LTBP3: variants seen among roughly 807,000 people sequenced by gnomAD.
LTBP3 encodes the protein latent transforming growth factor beta binding protein 3.
A neutral mutation model predicts 159.7 loss-of-function variants in LTBP3; 97 were observed. The ratio of observed to expected loss-of-function variants is 0.61; its 90% CI spans 0.52 to 0.72. LTBP3 has a LOEUF of 0.72. LTBP3 is among the 30% of genes least tolerant of loss of function. The probability of loss-of-function intolerance (pLI) is 0.00; values close to 1 mark genes in which losing one functional copy is unlikely to be tolerated. For synonymous variants in LTBP3, 824 were observed against 777.1 expected (o/e 1.06, Z -1.00); for missense variants, 1,584 against 1,864.3 (o/e 0.85, Z 2.77).
intron 11 of LTBP3, 120 bp downstream of exon 11, chr11:65,551,006 C>A: frequency 1.2e-6 from 1 of 855,112 alleles, no homozygotes; most frequent in Admixed American, 2.0e-5. Context: ...TCCCCAGTGC[C>A]CAGCCCTGGA....
At position 65,553,473 on chromosome 11, in the gene LTBP3, C is replaced by A. The variant is rs747359614; in HGVS notation, c.922G>T (p.Gly308Cys). ...TKQEDCCGSI[G>C]TAWGQSKCHK... Reference sequence around the variant, plus strand: ...CACTTGCTCTGGCCCCAGGCAGTGCCGATGCTACCGCAGCAGTCTTCCTGC... The same window carrying A: ...CACTTGCTCTGGCCCCAGGCAGTGCAGATGCTACCGCAGCAGTCTTCCTGC... Residue 308 changes from glycine (G) to cysteine (C), a missense_variant, in exon 4 of 28, where the codon GGC (glycine) becomes TGC (cysteine). This residue lies in a region of LTBP3 where 156 missense variants were observed against 259.7 expected (regional missense o/e 0.60). Coordinates refer to ENST00000301873, the MANE Select transcript of LTBP3 (RefSeq NM_001130144.3). This position sits in a 1 kb window ranked among gnomAD's most constrained non-coding sequence, Gnocchi z 6.5. The A allele has an allele frequency of 6.2e-7, 1 of 1,612,014 alleles. No homozygotes were observed.
Position 65,552,744 on chromosome 11 carries a change from T to C in LTBP3, c.1186+116A>G. The C allele has an allele frequency of 1.4e-6, 2 of 1,461,738 alleles. No individual in the cohort carries two copies. The highest frequency in any genetic ancestry group is 1.7e-5 in the Admixed American group (1 of 58,394). 90.5% of individuals were successfully genotyped at this position (1,461,738 alleles called of 1,614,324 possible). A position where few individuals can be genotyped will look rare whatever the true frequency, so the allele number is the denominator to read the frequency against. ...TGCTGATCCCTGATCCTATTGGCTCTGGGCCTTGTTCCTCCTGCAGTCAAC... is the reference window on the plus strand; with the variant it reads ...TGCTGATCCCTGATCCTATTGGCTCCGGGCCTTGTTCCTCCTGCAGTCAAC... On this transcript the variant is annotated intron_variant, in intron 6 of 27. Transcript: ENST00000301873. This position sits in a 1 kb window ranked among gnomAD's most constrained non-coding sequence, Gnocchi z 6.0.
Position 65,552,347 on chromosome 11 carries a change from G to T in LTBP3, c.1246C>A (p.Gln416Lys). The T allele has an allele frequency of 6.2e-7, 1 of 1,614,036 alleles. No homozygotes were observed. The highest frequency in any genetic ancestry group is 1.1e-5 in the South Asian group (1 of 91,088). ...FRLVSPEHQC[Q>K]HPLTTRLTRQ... ...GTCAGGCGGGTGGTCAGTGGGTGCT[G>T]GCACTGGTGCTCAGGGCTCACCAGG... The change falls in exon 7 of 28, where the codon CAG becomes AAG. Residue 416 changes from glutamine (Q) to lysine (K), a missense_variant. By Grantham distance (53) the Gln-to-Lys change is moderately conservative (BLOSUM62 1). Around this residue, in one of 6 missense-constraint regions of LTBP3, gnomAD observed 156 missense variants for 259.7 expected, o/e 0.60. Coordinates refer to ENST00000301873, the MANE Select transcript of LTBP3 (RefSeq NM_001130144.3). The surrounding 1 kb of genome is among the most constrained non-coding windows in gnomAD (Gnocchi z 6.0).
chr11:65,556,484 C>T (rs930481127), intron 1 of LTBP3, among the ~76,000 whole-genome samples: 1 of 152,122 alleles, frequency 6.6e-6, no homozygotes, highest in East Asian at 1.9e-4. Context: ...GCTGAGATTG[C>T]GCCATTGCAC....
chr11:65,557,615 C>A lies in LTBP3; in HGVS notation c.331+14G>T, dbSNP rs1243232990. On this transcript the variant is annotated intron_variant, in intron 1 of 27. Coordinates refer to ENST00000301873, the MANE Select transcript of LTBP3 (RefSeq NM_001130144.3). ...TGTCCTTCCCCTGCCCCCAGCCGTG[C>A]CCCCGGCCCTCACCCACGCGGAAGC... The A allele has an allele frequency of 1.9e-6, 3 of 1,606,502 alleles. No homozygotes were observed. Among genetic ancestry groups the A allele is most frequent in the Non-Finnish European group, 2.5e-6 (3 of 1,179,200 alleles).
In LTBP3 at chr11:65,558,300, G is replaced by T; in HGVS notation, c.-341C>A. 1 of 775,362 alleles carries T rather than the reference G, an allele frequency of 1.3e-6. No homozygotes were observed. The highest frequency in any genetic ancestry group is 1.6e-6 in the Non-Finnish European group (1 of 622,142). 48.0% of individuals were successfully genotyped at this position (775,362 alleles called of 1,614,324 possible). Reference sequence around the variant, plus strand: ...CCCGCTCCGCGCCTCCCCCTGGCCGGGCTCCTCTCCCGCGGCCGCGGGGAG... The same window carrying T: ...CCCGCTCCGCGCCTCCCCCTGGCCGTGCTCCTCTCCCGCGGCCGCGGGGAG... On this transcript the variant is annotated 5_prime_UTR_variant, in exon 1 of 28. Transcript: ENST00000301873.
In LTBP3 at chr11:65,538,634, G is replaced by T; in HGVS notation, c.*446C>A. On this transcript the variant is annotated 3_prime_UTR_variant, in exon 28 of 28. Coordinates refer to ENST00000301873, the MANE Select transcript of LTBP3 (RefSeq NM_001130144.3). ...CAGATGTATTTATTGTACAAACCAT[G>T]TGAGCCCGGCCGGCCCAGCCAGGCC... 1 of 1,531,022 alleles carries T rather than the reference G, an allele frequency of 6.5e-7. No individual in the cohort carries two copies. 94.8% of individuals were successfully genotyped at this position (1,531,022 alleles called of 1,614,324 possible).
At chr11:65,542,063 G>A (rs1000094143) in intron 18 of LTBP3, 1 of 346,844 alleles carries the variant, frequency 2.9e-6, no homozygotes, top group Non-Finnish European at 5.8e-6. Context: ...TCTGTGCTCA[G>A]GGCACCCTCC....
rs149424688 is a variant in LTBP3 at position 65,543,306 on chromosome 11, C to A, written c.2477-82G>T. On this transcript the variant is annotated intron_variant, in intron 17 of 27. Transcript: ENST00000301873. ...AGGCAGCCAAAGCTTTCTCCCAGAGCCCTGGGTCAGTCCCACGCCCCTATG... is the reference window on the plus strand; with the variant it reads ...AGGCAGCCAAAGCTTTCTCCCAGAGACCTGGGTCAGTCCCACGCCCCTATG... 2.9e-3 allele frequency: 4,713 copies of A among 1,612,378 alleles called. 128 individuals carry two copies. The African/African-American group carries it at 0.053, about 18-fold the overall frequency.
chr11:65,547,792 C>T lies in LTBP3; in HGVS notation c.1876G>A (p.Gly626Ser). The T allele has an allele frequency of 6.2e-7, 1 of 1,613,150 alleles. No homozygotes were observed. The highest frequency in any genetic ancestry group is 8.5e-7 in the Non-Finnish European group (1 of 1,179,838). The change falls in exon 13 of 28, where the codon GGC becomes AGC. Residue 626 changes from glycine (G) to serine (S), a missense_variant. Transcript: ENST00000301873. The surrounding 1 kb of genome is among the most constrained non-coding windows in gnomAD (Gnocchi z 4.6). ...TTCATGCAGATGCCCCTCCCCGGGCCACAGGGCTCTGCCTCGCACTCGTTC... is the reference window on the plus strand; with the variant it reads ...TTCATGCAGATGCCCCTCCCCGGGCTACAGGGCTCTGCCTCGCACTCGTTC... ...DVNECEAEPCGPGRGICMNTG... is the reference protein window; with the variant it reads ...DVNECEAEPCSPGRGICMNTG...
rs1856657219 is a variant in LTBP3 at position 65,552,748 on chromosome 11, C to T, written c.1186+112G>A. 3 of 1,503,908 alleles carry T rather than the reference C, an allele frequency of 2.0e-6. No homozygotes were observed. The highest frequency in any genetic ancestry group is 1.7e-4 in the Middle Eastern group (1 of 5,878). 93.2% of individuals were successfully genotyped at this position (1,503,908 alleles called of 1,614,324 possible). On this transcript the variant is annotated intron_variant, in intron 6 of 27. Transcript: ENST00000301873. This position sits in a 1 kb window ranked among gnomAD's most constrained non-coding sequence, Gnocchi z 6.0. The stretch of plus-strand genomic sequence containing the variant: ...GATCCCTGATCCTATTGGCTCTGGG[C>T]CTTGTTCCTCCTGCAGTCAACCCTT...
Position 65,546,452 on chromosome 11 carries a change from G to A in LTBP3, c.2343C>T (p.Arg781=), listed in dbSNP as rs751233760. ...GGTGCTGGCGCTCACCCAAGCAACT[G>A]CGGCCGTCGGGCGCGGGCGCGTAGC... The part of the protein sequence containing the change: ...AQGYAPAPDG[R]SCLDVDECEA... Residue 781 remains arginine, a synonymous_variant, in exon 16 of 28, where the codon CGC becomes CGT. Coordinates refer to ENST00000301873, the MANE Select transcript of LTBP3 (RefSeq NM_001130144.3). This position sits in a 1 kb window ranked among gnomAD's most constrained non-coding sequence, Gnocchi z 4.0. 10 of 1,565,468 alleles carry A rather than the reference G, an allele frequency of 6.4e-6. No individual in the cohort carries two copies.
In LTBP3 at chr11:65,547,935, G is replaced by A. The variant is rs752399244; in HGVS notation, c.1831C>T (p.His611Tyr). The change falls in exon 12 of 28, where the codon CAC becomes TAC. Residue 611 changes from histidine to tyrosine, a missense_variant. His to Tyr is a moderately conservative substitution (Grantham distance 83). This residue lies in a region of LTBP3 where 565 missense variants were observed against 677.7 expected (regional missense o/e 0.83). Transcript: ENST00000301873. The surrounding 1 kb of genome is among the most constrained non-coding windows in gnomAD (Gnocchi z 4.6). ...CNPGYRSHPQHRYCVDVNECE... is the reference protein window; with the variant it reads ...CNPGYRSHPQYRYCVDVNECE... ...CTGCGCTCACCCACGCAGTAGCGGT[G>A]CTGGGGATGTGACCGGTAGCCGGGG... is the stretch of plus-strand genomic sequence containing the variant. 11 of 1,613,764 alleles carry A rather than the reference G, an allele frequency of 6.8e-6. No individual in the cohort carries two copies. Among genetic ancestry groups the A allele is most frequent in the Non-Finnish European group, 9.3e-6 (11 of 1,180,024 alleles).
At chr11:65,551,501 C>G (rs531178290) in intron 9 of LTBP3, 27 bp from the exon 10 acceptor site, 1 of 1,614,000 alleles carries the variant, frequency 6.2e-7, no homozygotes, top group Admixed American at 1.7e-5. Context: ...CATGAGCCCT[C>G]CTGTCCCTCG....
chr11:65,551,896 A>T, intron 8 of LTBP3, 76 bp downstream of exon 8: 1 of 1,500,920 alleles, frequency 6.7e-7, no homozygotes, highest in Non-Finnish European at 9.2e-7. Flanking sequence ...GTGAGGTCAG[A>T]TCTGTGGATC....
In LTBP3 at chr11:65,553,947, G is replaced by T. The variant is rs571398741; in HGVS notation, c.662-44C>A. On this transcript the variant is annotated intron_variant, in intron 2 of 27. Coordinates refer to ENST00000301873, the MANE Select transcript of LTBP3 (RefSeq NM_001130144.3). This position sits in a 1 kb window ranked among gnomAD's most constrained non-coding sequence, Gnocchi z 6.5. ...GCCTCAGGGCTGCCCGCACCGCGCC[G>T]CGGGTCACCGCGCTGAGCTCCTCCA... The T allele has an allele frequency of 6.6e-7, 1 of 1,523,618 alleles. No homozygotes were observed. The highest frequency in any genetic ancestry group is 2.4e-5 in the East Asian group (1 of 42,446). 94.4% of individuals were successfully genotyped at this position (1,523,618 alleles called of 1,614,324 possible).
In LTBP3 at chr11:65,557,568, C is replaced by T. The variant is rs115855839; in HGVS notation, c.331+61G>A. On this transcript the variant is annotated intron_variant, in intron 1 of 27. Transcript: ENST00000301873. ...GTCTCTAAGGCCAAGACCCCACTAG[C>T]TCTCCCACCGGGCCTGGTGCCTGTC... 613 of 1,598,644 alleles carry T rather than the reference C, an allele frequency of 3.8e-4. 2 individuals carry two copies. The African/African-American group carries it at 7.5e-3, about 20-fold the overall frequency.
chr11:65,546,441 C>G lies in LTBP3; in HGVS notation c.2353+1G>C. On this transcript the variant is annotated splice_donor_variant, in intron 16 of 27. Coordinates refer to ENST00000301873, the MANE Select transcript of LTBP3 (RefSeq NM_001130144.3). LOFTEE classifies it high-confidence loss of function. This position sits in a 1 kb window ranked among gnomAD's most constrained non-coding sequence, Gnocchi z 4.0. ...CCCGGGGCGGGGGTGCTGGCGCTCA[C>G]CCAAGCAACTGCGGCCGTCGGGCGC... The G allele has an allele frequency of 6.4e-7, 1 of 1,556,678 alleles. No individual in the cohort carries two copies. Among genetic ancestry groups the G allele is most frequent in the Admixed American group, 1.9e-5 (1 of 53,024 alleles).
rs1590792476 is a variant in LTBP3, at chr11:65,557,982, A to G, written c.-23T>C. On this transcript the variant is annotated 5_prime_UTR_variant, in exon 1 of 28. Coordinates refer to ENST00000301873, the MANE Select transcript of LTBP3 (RefSeq NM_001130144.3). The stretch of plus-strand genomic sequence containing the variant: ...CATCCGGGGCCGCAGGACCCGGGGG[A>G]GGGGGGGCGCGCCCGGGCGGGGCGA... The G allele has an allele frequency of 9.1e-7, 1 of 1,101,132 alleles. No homozygotes were observed. Among genetic ancestry groups the G allele is most frequent in the Non-Finnish European group, 1.1e-6 (1 of 906,998 alleles). 68.2% of individuals were successfully genotyped at this position (1,101,132 alleles called of 1,614,324 possible).
Sources: gnomAD v4.1 joint callset for allele counts (sites outside exome capture counted in the v4.1 genomes callset) on GRCh38, gnomAD v4.1.1 for gene constraint, gnomAD v4.1.1 regional missense constraint, Gnocchi (gnomAD v3.1) non-coding constraint, MANE v1.5 for transcripts, NCBI Gene and HGNC (gene_info 2026-07-23, HGNC 2026-07-21) for gene names.